The following TMEFF1 variants were observed in gnomAD, a reference collection of about 807,000 sequenced individuals.
TMEFF1 encodes the protein tomoregulin-1.
In TMEFF1, 20 loss-of-function variants were observed where a neutral mutation model predicts 47.5. The ratio of observed to expected loss-of-function variants is 0.42; its 90% confidence interval spans 0.30 to 0.61. The LOEUF (loss-of-function observed/expected upper bound fraction) is 0.61, where lower values mean the gene tolerates loss of function less well. Ranked by LOEUF, TMEFF1 falls within the 20% of genes least tolerant of loss-of-function variation. TMEFF1 has a pLI of 0.19. For missense variants in TMEFF1, 411 were observed against 471.1 expected (o/e 0.87, Z 1.18); for synonymous variants, 162 against 166.3 (o/e 0.97, Z 0.20).
intron 1 of TMEFF1, among the ~76,000 whole-genome samples, chr9:100,497,867 G>A (rs956316957): frequency 6.6e-6 from 1 of 151,600 alleles, no homozygotes; most frequent in Non-Finnish European, 1.5e-5. Context: ...GTTAATCTAG[G>A]ACTCTCTCTG....
intron 9 of TMEFF1, among the ~76,000 whole-genome samples, chr9:100,574,534 G>A (rs1839311547): frequency 6.6e-6 from 1 of 151,992 alleles, no homozygotes; most frequent in Non-Finnish European, 1.5e-5. Context: ...ACCATGCCTT[G>A]CTAATTTTTG....
At chr9:100,533,781 C>T (rs889493532) in intron 5 of TMEFF1, among the ~76,000 whole-genome samples, 4 of 151,876 alleles carry the variant, frequency 2.6e-5, no homozygotes, top group Non-Finnish European at 2.9e-5. Flanking sequence ...TGCAATGGTG[C>T]GATCTTGTTT....
At chr9:100,550,047 A>T in intron 6 of TMEFF1, 48 bp from the exon 7 acceptor site, 1 of 1,584,056 alleles carries the variant, frequency 6.3e-7, no homozygotes, top group Non-Finnish European at 8.6e-7. Context: ...TCATGATATG[A>T]CTTAACCATT....
At chr9:100,561,680 A>C (rs1272315271) in intron 8 of TMEFF1, among the ~76,000 whole-genome samples, 160 bp downstream of exon 8, 1 of 152,192 alleles carries the variant, frequency 6.6e-6, no homozygotes, top group Non-Finnish European at 1.5e-5. Context: ...GGAAAAAAAA[A>C]CTGGCAAGTA....
At chr9:100,572,017 C>T (rs933203284) in intron 8 of TMEFF1, among the ~76,000 whole-genome samples, 5 of 152,096 alleles carry the variant, frequency 3.3e-5, no homozygotes, top group Admixed American at 1.3e-4. Flanking sequence ...AGAAGCTTTG[C>T]TTACTTGCCC....
At chr9:100,498,684 T>C in intron 1 of TMEFF1, 81 bp from the exon 2 acceptor site, 2 of 1,250,300 alleles carry the variant, frequency 1.6e-6, no homozygotes, top group Non-Finnish European at 2.2e-6. Context: ...GACTTTTTCA[T>C]ACACACACAC....
At chr9:100,492,298 G>GT (rs887769642) in intron 1 of TMEFF1, among the ~76,000 whole-genome samples, 9 of 151,998 alleles carry the variant, frequency 5.9e-5, no homozygotes, top group East Asian at 1.9e-4. Flanking sequence ...GCAACTGTAG[G>GT]TTTTTTTTAA....
intron 6 of TMEFF1, among the ~76,000 whole-genome samples, chr9:100,548,779 C>A (rs1838782383): frequency 6.6e-6 from 1 of 152,156 alleles, no homozygotes; most frequent in Non-Finnish European, 1.5e-5. Context: ...ATTGCAGTAC[C>A]TCTGGTCTAA....
rs1839362438 is a variant in TMEFF1 at position 100,576,843 on chromosome 9, T to A, written c.*243T>A. ...CACATGGTAATTCTAAGACTTGTTC[T>A]TTACCCATGGAATGTAATATTTTTG... On this transcript the variant is annotated 3_prime_UTR_variant, in exon 10 of 10. Transcript: ENST00000374879. 1 of 358,954 alleles carries A rather than the reference T, an allele frequency of 2.8e-6. No individual in the cohort carries two copies. Among genetic ancestry groups the A allele is most frequent in the Admixed American group, 4.3e-5 (1 of 23,166 alleles). 22.2% of individuals were successfully genotyped at this position (358,954 alleles called of 1,614,324 possible).
chr9:100,554,365 A>C (rs117875918), intron 7 of TMEFF1, among the ~76,000 whole-genome samples: 2 of 152,284 alleles, frequency 1.3e-5, no homozygotes, highest in Non-Finnish European at 2.9e-5. Context: ...GAGGATGATT[A>C]GCAGGCTCCT....
chr9:100,510,548 C>T (rs1355810271), intron 3 of TMEFF1, among the ~76,000 whole-genome samples: 2 of 152,216 alleles, frequency 1.3e-5, no homozygotes, highest in Admixed American at 1.3e-4. Flanking sequence ...TGACTCACTG[C>T]AGCCTTGACC....
chr9:100,539,755 G>C (rs951097724), intron 5 of TMEFF1, among the ~76,000 whole-genome samples: 1 of 152,160 alleles, frequency 6.6e-6, no homozygotes, highest in Non-Finnish European at 1.5e-5. Context: ...TGCTGGCTTA[G>C]GCAGCCTGCT....
At chr9:100,500,643 A>T (rs945600626) in intron 2 of TMEFF1, among the ~76,000 whole-genome samples, 1 of 152,074 alleles carries the variant, frequency 6.6e-6, no homozygotes, top group East Asian at 1.9e-4. Flanking sequence ...TTGAGCATAG[A>T]TGTTATTGCC....
At chr9:100,549,311 AACTC>A (rs564778701) in intron 6 of TMEFF1, among the ~76,000 whole-genome samples, 21 of 152,254 alleles carry the variant, frequency 1.4e-4, no homozygotes, top group East Asian at 3.9e-4. Flanking sequence ...GTCTTGTGAG[AACTC>A]ACTCACTATT....
intron 5 of TMEFF1, among the ~76,000 whole-genome samples, chr9:100,546,903 G>C (rs1311645619): frequency 1.3e-5 from 2 of 152,202 alleles, no homozygotes; most frequent in Non-Finnish European, 2.9e-5. Flanking sequence ...TCAGTGTTCA[G>C]TGGATACTCA....
chr9:100,489,594 A>G (rs1837513490), intron 1 of TMEFF1, among the ~76,000 whole-genome samples: 1 of 152,266 alleles, frequency 6.6e-6, no homozygotes. Context: ...AAAATACAGA[A>G]TAATGAAGAA....
At chr9:100,497,364 A>G (rs569845962) in intron 1 of TMEFF1, among the ~76,000 whole-genome samples, 2 of 120,280 alleles carry the variant, frequency 1.7e-5, no homozygotes, top group Non-Finnish European at 3.3e-5. Context: ...TTGAGCTTTA[A>G]TCCAGTTCTG....
intron 1 of TMEFF1, among the ~76,000 whole-genome samples, chr9:100,483,634 T>G (rs570208015): frequency 6.6e-6 from 1 of 152,388 alleles, no homozygotes; most frequent in African/African-American, 2.4e-5. Flanking sequence ...TATTAACTAT[T>G]ATTTTTACTT....
chr9:100,509,011 A>G lies in TMEFF1; in HGVS notation c.313A>G (p.Thr105Ala), dbSNP rs1306159862. 10 of 1,585,610 alleles carry G rather than the reference A, an allele frequency of 6.3e-6. No individual in the cohort carries two copies. Among genetic ancestry groups the G allele is most frequent in the Non-Finnish European group, 8.5e-6 (10 of 1,170,678 alleles). ...ATTTTTGTTGCTTTTGCAGTGCCAT[A>G]CAAATTATATTCCTGTCTGTGGATC... ...LKCACQFQCH[T>A]NYIPVCGSNG... The change falls in exon 3 of 10, where the codon ACA becomes GCA. Residue 105 changes from threonine (T) to alanine (A), a missense_variant. Transcript: ENST00000374879.
Sources: gnomAD v4.1 joint callset for allele counts (sites outside exome capture counted in the v4.1 genomes callset) on GRCh38, gnomAD v4.1.1 for gene constraint, MANE v1.5 for transcripts, NCBI Gene and HGNC (gene_info 2026-07-23, HGNC 2026-07-21) for gene names.